SYNCRIP: variants seen among roughly 807,000 people sequenced by gnomAD.
SYNCRIP encodes the protein synaptotagmin binding cytoplasmic RNA interacting protein.
SYNCRIP carries 9 observed loss-of-function variants against 68.9 expected under a neutral mutation model. The ratio of observed to expected loss-of-function variants is 0.13; its 90% confidence interval spans 0.08 to 0.23. The LOEUF is 0.23. Ranked by LOEUF, SYNCRIP falls within the 10% of genes least tolerant of loss-of-function variation. The pLI is 1.00. For missense variants in SYNCRIP, 414 were observed against 770.6 expected (o/e 0.54, Z 5.48); for synonymous variants, 258 against 254.0 (o/e 1.02, Z -0.15).
At chr6:85,636,863 A>G (rs564783881) in intron 6 of SYNCRIP, 104 bp downstream of exon 6, 1 of 1,145,808 alleles carries the variant, frequency 8.7e-7, no homozygotes, top group Non-Finnish European at 1.2e-6. Flanking sequence ...TGCCTAAATC[A>G]GTACTTCAAA....
At chr6:85,620,378 TAGA>T (rs1562082705) in intron 8 of SYNCRIP, among the ~76,000 whole-genome samples, 2 of 152,182 alleles carry the variant, frequency 1.3e-5, no homozygotes, top group African/African-American at 2.4e-5. Flanking sequence ...CAAAATGACA[TAGA>T]AGAACTTTAA....
At chr6:85,630,312 G>C (rs1040401780) in intron 6 of SYNCRIP, among the ~76,000 whole-genome samples, 1 of 152,184 alleles carries the variant, frequency 6.6e-6, no homozygotes, top group East Asian at 1.9e-4. Flanking sequence ...AATGAGCCGA[G>C]ATCGTGCCAC....
chr6:85,636,151 A>G (rs1583308289), intron 6 of SYNCRIP, among the ~76,000 whole-genome samples: 2 of 152,170 alleles, frequency 1.3e-5, no homozygotes, highest in South Asian at 4.1e-4. Flanking sequence ...TAAAATATTA[A>G]AATTTCTTTC....
chr6:85,625,640 C>T (rs1360905820), intron 6 of SYNCRIP, among the ~76,000 whole-genome samples: 1 of 152,144 alleles, frequency 6.6e-6, no homozygotes, highest in Non-Finnish European at 1.5e-5. Context: ...CTCGCCTCGG[C>T]CTCCCAAAGT....
intron 4 of SYNCRIP, among the ~76,000 whole-genome samples, chr6:85,638,004 A>G (rs1424880080): frequency 6.6e-6 from 1 of 152,218 alleles, no homozygotes; most frequent in Non-Finnish European, 1.5e-5. Flanking sequence ...ACTCCCAAAA[A>G]GTAACTGTTA....
chr6:85,640,926 T>A (rs144301831), intron 2 of SYNCRIP, among the ~76,000 whole-genome samples: 5 of 152,302 alleles, frequency 3.3e-5, no homozygotes, highest in African/African-American at 1.2e-4. Flanking sequence ...CCAGAAAAAG[T>A]TAACAGCCGC....
chr6:85,618,217 CAGA>C (rs1805994278), intron 10 of SYNCRIP, among the ~76,000 whole-genome samples: 1 of 152,034 alleles, frequency 6.6e-6, no homozygotes. Flanking sequence ...AAGACATTTT[CAGA>C]AGAACATTCT....
At chr6:85,623,310 T>C (rs1806631381) in intron 7 of SYNCRIP, among the ~76,000 whole-genome samples, 1 of 151,958 alleles carries the variant, frequency 6.6e-6, no homozygotes, top group Admixed American at 6.6e-5. Context: ...ATACCTGTAA[T>C]CGCAACACTC....
At chr6:85,630,813 A>T (rs905359475) in intron 6 of SYNCRIP, among the ~76,000 whole-genome samples, 1 of 152,232 alleles carries the variant, frequency 6.6e-6, no homozygotes, top group Non-Finnish European at 1.5e-5. Context: ...GGGAAAAAGG[A>T]AAAATATATA....
chr6:85,623,753 T>C (rs898863494), intron 7 of SYNCRIP, among the ~76,000 whole-genome samples: 3 of 152,140 alleles, frequency 2.0e-5, no homozygotes, highest in East Asian at 3.9e-4. Flanking sequence ...ATTCAAACCC[T>C]AGCTGTATTC....
chr6:85,624,650 A>C (rs1284370636), intron 6 of SYNCRIP, among the ~76,000 whole-genome samples: 1 of 152,234 alleles, frequency 6.6e-6, no homozygotes, highest in Non-Finnish European at 1.5e-5. Context: ...ATGAAGGAGA[A>C]AGAGAAGTAG....
At chr6:85,618,987 T>G in intron 9 of SYNCRIP, 48 bp from the exon 10 acceptor site, 3 of 1,543,352 alleles carry the variant, frequency 1.9e-6, no homozygotes, top group East Asian at 2.3e-5. Context: ...TTCATACAAT[T>G]ATGATTCATT....
At chr6:85,622,434 T>C (rs889669654) in intron 8 of SYNCRIP, 48 bp downstream of exon 8, 3 of 1,138,862 alleles carry the variant, frequency 2.6e-6, no homozygotes, top group Non-Finnish European at 2.6e-6. Flanking sequence ...ACCCCGGCCC[T>C]TCTCCCATTA....
At chr6:85,627,397 G>C (rs1807183201) in intron 6 of SYNCRIP, among the ~76,000 whole-genome samples, 1 of 151,764 alleles carries the variant, frequency 6.6e-6, no homozygotes, top group South Asian at 2.1e-4. Context: ...TATAACAAAA[G>C]TAGTACCTAG....
downstream of SYNCRIP, chr6:85,612,002 T>C (rs956964692): frequency 6.6e-6 from 1 of 152,222 alleles, no homozygotes; most frequent in South Asian, 2.1e-4. Flanking sequence ...AAAAGTAACA[T>C]CTTGCTAAAC....
intron 1 of SYNCRIP, 76 bp from the exon 2 acceptor site, chr6:85,641,527 A>G (rs1809147114): frequency 1.4e-5 from 20 of 1,426,402 alleles, no homozygotes; most frequent in Non-Finnish European, 1.8e-5. Flanking sequence ...CCCCATCTTT[A>G]CTTTCTCTAC....
chr6:85,628,680 T>G (rs1334900691), intron 6 of SYNCRIP, among the ~76,000 whole-genome samples: 2 of 152,248 alleles, frequency 1.3e-5, no homozygotes, highest in African/African-American at 4.8e-5. Flanking sequence ...ATATTGTCTG[T>G]GTTACCCTAG....
chr6:85,611,904 T>C (rs1805278372), downstream of SYNCRIP: 1 of 152,594 alleles, frequency 6.6e-6, no homozygotes, highest in African/African-American at 2.4e-5. Flanking sequence ...GCTGTACAAT[T>C]GTCAGTTTTA....
upstream of SYNCRIP, chr6:85,643,019 C>T (rs1185009251): frequency 1.5e-5 from 2 of 136,548 alleles, no homozygotes; most frequent in African/African-American, 2.7e-5. Context: ...CCCTTCCCTT[C>T]CCTCCCCTCC....
Sources: allele counts gnomAD v4.1 joint callset (sites outside exome capture counted in the v4.1 genomes callset), GRCh38; gene constraint gnomAD v4.1.1; transcripts MANE v1.5; gene names NCBI Gene and HGNC (gene_info 2026-07-23, HGNC 2026-07-21).